AGPAT3: variants seen among roughly 807,000 people sequenced by gnomAD.
The protein encoded by AGPAT3 is 1-acyl-sn-glycerol-3-phosphate acyltransferase gamma.
A neutral mutation model predicts 47.3 loss-of-function variants in AGPAT3; 5 were observed. The observed-to-expected ratio is 0.11, with a 90% confidence interval of 0.06 to 0.22. AGPAT3 has a LOEUF of 0.22. Ranked by LOEUF, AGPAT3 falls within the 10% of genes least tolerant of loss-of-function variation. AGPAT3 has a pLI of 1.00. For synonymous variants in AGPAT3, 212 were observed against 208.3 expected (o/e 1.02, Z -0.15); for missense variants, 315 against 493.0 (o/e 0.64, Z 3.42).
intron 2 of AGPAT3, among the ~76,000 whole-genome samples, chr21:43,943,868 G>A (rs759551796): frequency 6.6e-6 from 1 of 152,220 alleles, no homozygotes; most frequent in Non-Finnish European, 1.5e-5. Flanking sequence ...AAATCAGGGC[G>A]AGAGGGAGAC....
At chr21:43,962,862 A>T (rs1428910499) in intron 3 of AGPAT3, among the ~76,000 whole-genome samples, 1 of 149,348 alleles carries the variant, frequency 6.7e-6, no homozygotes, top group Admixed American at 6.8e-5. Context: ...ATCAAGAATG[A>T]CAACGTAAAC....
At chr21:43,905,153 AAATATT>A (rs1474240040) in intron 2 of AGPAT3, among the ~76,000 whole-genome samples, 7 of 140,822 alleles carry the variant, frequency 5.0e-5, no homozygotes, top group Non-Finnish European at 6.0e-5. Context: ...TTTTTAAAAA[AAATATT>A]TATTTATTTA....
chr21:43,939,943 G>C lies in AGPAT3; in HGVS notation c.-48-19691G>C, dbSNP rs71322544. ...CGGTGCCCCGACGGCAGAGCCCGCA[G>C]CTGTGCGCAGGAGGACGAACCTGTG... On this transcript the variant is annotated intron_variant, in intron 2 of 9. Coordinates refer to ENST00000291572, the MANE Select transcript of AGPAT3 (RefSeq NM_020132.5). This position sits in a 1 kb window ranked among gnomAD's most constrained non-coding sequence, Gnocchi z 4.4. Among the ~76,000 whole-genome samples, 9,263 of 152,342 alleles carry C rather than the reference G, an allele frequency of 0.061. 365 individuals are homozygous for C. Among genetic ancestry groups the C allele is most frequent in the Non-Finnish European group, 0.089 (6,042 of 68,034 alleles).
At chr21:43,980,858 T>G in intron 8 of AGPAT3, 131 bp from the exon 9 acceptor site, 1 of 845,642 alleles carries the variant, frequency 1.2e-6, no homozygotes, top group Non-Finnish European at 1.9e-6. Flanking sequence ...GCTTCTGTGA[T>G]TTGTGCTCTT....
rs73906668 is a variant in AGPAT3 at position 43,917,010 on chromosome 21, G to A, written c.-49+12991G>A. Among the ~76,000 whole-genome samples, 878 of 152,140 alleles carry A rather than the reference G, an allele frequency of 5.8e-3. 6 individuals carry two copies. The highest frequency in any genetic ancestry group is 0.02 in the African/African-American group (838 of 41,498). On this transcript the variant is annotated intron_variant, in intron 2 of 9. Coordinates refer to ENST00000291572, the MANE Select transcript of AGPAT3 (RefSeq NM_020132.5). ...CTGTTGCTTCTCTAGGAACAGTGAC[G>A]GTGGCAGAGCCCGTGGCCCCTCTCT...
chr21:43,932,809 C>T lies in AGPAT3; in HGVS notation c.-48-26825C>T, dbSNP rs992478072. ...GGGATTACAGACGCCCGCCACCATG[C>T]CGGGCTAATTTTGTATGTTTAGTAG... On this transcript the variant is annotated intron_variant, in intron 2 of 9. Coordinates refer to ENST00000291572, the MANE Select transcript of AGPAT3 (RefSeq NM_020132.5). The surrounding 1 kb of genome is among the most constrained non-coding windows in gnomAD (Gnocchi z 5.2). 1.3e-5 allele frequency among the ~76,000 whole-genome samples: 2 copies of T among 152,192 alleles called. No homozygotes were observed. Among genetic ancestry groups the T allele is most frequent in the African/African-American group, 2.4e-5 (1 of 41,440 alleles).
chr21:43,963,732 A>G (rs2088990847), intron 3 of AGPAT3, among the ~76,000 whole-genome samples: 1 of 144,998 alleles, frequency 6.9e-6, no homozygotes, highest in South Asian at 2.2e-4. Flanking sequence ...AAAAAAAAAG[A>G]TAAGGAAGTC....
In AGPAT3 at chr21:43,955,015, G is replaced by C. The variant is rs2088374220; in HGVS notation, c.-48-4619G>C. The stretch of plus-strand genomic sequence containing the variant: ...CTCGAGGGGAAGCTGCATCCACACA[G>C]AGGCTGGGACGTGAATGTGCATCAC... On this transcript the variant is annotated intron_variant, in intron 2 of 9. Coordinates refer to ENST00000291572, the MANE Select transcript of AGPAT3 (RefSeq NM_020132.5). The surrounding 1 kb of genome is among the most constrained non-coding windows in gnomAD (Gnocchi z 4.1). 1.7e-6 allele frequency: 2 copies of C among 1,145,678 alleles called. No homozygotes were observed. The highest frequency in any genetic ancestry group is 1.6e-5 in the South Asian group (1 of 61,258). 71.0% of individuals were successfully genotyped at this position (1,145,678 alleles called of 1,614,324 possible). A position where few individuals can be genotyped will look rare whatever the true frequency, so the allele number is the denominator to read the frequency against.
intron 1 of AGPAT3, among the ~76,000 whole-genome samples, chr21:43,886,382 T>C (rs1274935744): frequency 6.6e-6 from 1 of 152,136 alleles, no homozygotes; most frequent in Non-Finnish European, 1.5e-5. Flanking sequence ...GTCTCCCGAA[T>C]AGCTGGGATT....
Position 43,970,832 on chromosome 21 carries a change from G to A in AGPAT3, c.664+26G>A. On this transcript the variant is annotated intron_variant, in intron 6 of 9. Coordinates refer to ENST00000291572, the MANE Select transcript of AGPAT3 (RefSeq NM_020132.5). The surrounding 1 kb of genome is among the most constrained non-coding windows in gnomAD (Gnocchi z 5.8). ...GTAGGCCCCAGACTGCCCGAGCCGGGGCCACCGCTATGCTCACGGAAAATA... is the reference window on the plus strand; with the variant it reads ...GTAGGCCCCAGACTGCCCGAGCCGGAGCCACCGCTATGCTCACGGAAAATA... 2.6e-6 allele frequency: 4 copies of A among 1,510,128 alleles called. No individual in the cohort carries two copies. The highest frequency in any genetic ancestry group is 3.6e-6 in the Non-Finnish European group (4 of 1,126,464). The allele number at this position is 1,510,128 out of a possible 1,614,324, so 93.5% of individuals were successfully genotyped here.
rs559011686 is a variant in AGPAT3 at position 43,874,775 on chromosome 21, G to C, written c.-112+9430G>C. Reference sequence around the variant, plus strand: ...TTGTTTATCCTGTTTTGGATTCATTGTACTTTCTGAAGATAAAGTATCATG... The same window carrying C: ...TTGTTTATCCTGTTTTGGATTCATTCTACTTTCTGAAGATAAAGTATCATG... On this transcript the variant is annotated intron_variant, in intron 1 of 9. Transcript: ENST00000291572. Among the ~76,000 whole-genome samples, 29 of 152,194 alleles carry C rather than the reference G, an allele frequency of 1.9e-4. No individual in the cohort carries two copies. The South Asian group carries it at 5.4e-3, about 28-fold the overall frequency.
chr21:43,888,453 A>G (rs2086029121), intron 1 of AGPAT3, among the ~76,000 whole-genome samples: 4 of 152,158 alleles, frequency 2.6e-5, no homozygotes. Flanking sequence ...AGGTGATGGG[A>G]TGGTCTATGC....
At chr21:43,945,648 C>T (rs769442068) in intron 2 of AGPAT3, among the ~76,000 whole-genome samples, 1 of 152,136 alleles carries the variant, frequency 6.6e-6, no homozygotes, top group Non-Finnish European at 1.5e-5. Context: ...TGAGGTGACA[C>T]TCTGCAGCTC....
chr21:43,970,633 T>C lies in AGPAT3; in HGVS notation c.511-20T>C, dbSNP rs1416653899. On this transcript the variant is annotated intron_variant, in intron 5 of 9. Coordinates refer to ENST00000291572, the MANE Select transcript of AGPAT3 (RefSeq NM_020132.5). The surrounding 1 kb of genome is among the most constrained non-coding windows in gnomAD (Gnocchi z 5.8). ...CCCCAGCTGCTCTGTGGAGTGACCC[T>C]GTCTCCGTGTTGATCCTAGTTTCTC... 1.9e-6 allele frequency: 3 copies of C among 1,612,852 alleles called. No individual in the cohort carries two copies. The highest frequency in any genetic ancestry group is 3.3e-5 in the Admixed American group (2 of 59,950).
chr21:43,935,090 A>AG (rs903371488), intron 2 of AGPAT3, among the ~76,000 whole-genome samples: 1 of 152,122 alleles, frequency 6.6e-6, no homozygotes, highest in African/African-American at 2.4e-5. Flanking sequence ...GAGGCTGGAC[A>AG]GGGGGGGCTT....
intron 2 of AGPAT3, among the ~76,000 whole-genome samples, chr21:43,953,184 G>A (rs1263141620): frequency 6.6e-6 from 1 of 152,364 alleles, no homozygotes; most frequent in South Asian, 2.1e-4. Flanking sequence ...CAGAGTAGGC[G>A]GGGAGCGTCT....
intron 2 of AGPAT3, among the ~76,000 whole-genome samples, chr21:43,914,393 T>C (rs772085549): frequency 3.9e-5 from 6 of 152,220 alleles, no homozygotes; most frequent in African/African-American, 1.4e-4. Context: ...TCTATTCTTA[T>C]AGGATTTGTA....
In AGPAT3 at chr21:43,982,408, G is replaced by A. The variant is rs768233910; in HGVS notation, c.*16G>A. On this transcript the variant is annotated 3_prime_UTR_variant, in exon 10 of 10. Coordinates refer to ENST00000291572, the MANE Select transcript of AGPAT3 (RefSeq NM_020132.5). The surrounding 1 kb of genome is among the most constrained non-coding windows in gnomAD (Gnocchi z 6.2). ...AAAGGAATAATTAATGGCTGTGACT[G>A]AACACACGCGGCCCTGACGGTGGTA... is the stretch of plus-strand genomic sequence containing the variant. 1 of 1,587,824 alleles carries A rather than the reference G, an allele frequency of 6.3e-7. No individual in the cohort carries two copies. The highest frequency in any genetic ancestry group is 1.1e-5 in the South Asian group (1 of 90,486).
intron 7 of AGPAT3, among the ~76,000 whole-genome samples, chr21:43,972,756 C>T (rs2089450106): frequency 6.6e-6 from 1 of 152,214 alleles, no homozygotes. Context: ...GACCTTGATT[C>T]CAGCACAAAT....
Sources: gnomAD v4.1 joint callset for allele counts (sites outside exome capture counted in the v4.1 genomes callset) on GRCh38, gnomAD v4.1.1 for gene constraint, Gnocchi (gnomAD v3.1) non-coding constraint, MANE v1.5 for transcripts, NCBI Gene and HGNC (gene_info 2026-07-23, HGNC 2026-07-21) for gene names.